The following CD82 variants were observed in gnomAD, a reference collection of about 807,000 sequenced individuals.
CD82 encodes CD82 molecule, also known as CD82 antigen.
Under a neutral mutation model 37.4 loss-of-function variants are expected in CD82, and 36 were observed. The ratio of observed to expected loss-of-function variants is 0.96; its 90% CI spans 0.74 to 1.27. The LOEUF is 1.27. Among genes scored for constraint, CD82 ranks in the 50% most tolerant of loss-of-function variants. CD82 has a pLI of 0.00. For synonymous variants in CD82, 158 were observed against 137.4 expected, an observed-to-expected ratio of 1.15 and a Z score of -1.05; for missense variants, 340 against 347.0, an observed-to-expected ratio of 0.98 and a Z score of 0.16.
At chr11:44,584,884 G>T (rs1040005679) in intron 1 of CD82, among the ~76,000 whole-genome samples, 4 of 152,220 alleles carry the variant, frequency 2.6e-5, no homozygotes, top group African/African-American at 9.6e-5. Context: ...GAGGACCAGA[G>T]AGCTGGTGGC....
rs56665683 is a variant in CD82 at position 44,590,610 on chromosome 11, C to CAAAAAAAAAAAAAAAAAAAA, written c.-21+3055_-21+3074dup. Among the ~76,000 whole-genome samples the CAAAAAAAAAAAAAAAAAAAA allele has an allele frequency of 2.3e-3, 78 of 33,432 alleles. 14 individuals carry two copies. The highest frequency in any genetic ancestry group is 3.1e-3 in the Admixed American group (6 of 1,910). The allele number at this position is 33,432 out of a possible 152,430, so 21.9% of individuals were successfully genotyped here. On this transcript the variant is annotated intron_variant, in intron 2 of 9. Coordinates refer to ENST00000227155, the MANE Select transcript of CD82 (RefSeq NM_002231.4). ...TGGGCAACAGAGGGAGATTCTGTCTCAAAAAAAAAAAAAAAAAAAAGATGA... is the reference window on the plus strand; with the variant it reads ...TGGGCAACAGAGGGAGATTCTGTCTCAAAAAAAAAAAAAAAAAAAAAAAAAAAAAAAAAAAAAAAAGATGA...
chr11:44,616,458 G>C (rs1853565692), intron 7 of CD82, among the ~76,000 whole-genome samples: 1 of 152,180 alleles, frequency 6.6e-6, no homozygotes, highest in Non-Finnish European at 1.5e-5. Context: ...CAAGGGACCT[G>C]GGAGGAGAAG....
Position 44,597,045 on chromosome 11 carries a change from G to A in CD82, c.63+2320G>A. The A allele has an allele frequency of 2.2e-6, 1 of 455,702 alleles. No individual in the cohort carries two copies. Among genetic ancestry groups the A allele is most frequent in the South Asian group, 1.5e-5 (1 of 64,538 alleles). The allele number at this position is 455,702 out of a possible 1,614,324, so 28.2% of individuals were successfully genotyped here. A position where few individuals can be genotyped will look rare whatever the true frequency, so the allele number is the denominator to read the frequency against. Reference sequence around the variant, plus strand: ...CTGGCAGCAGGGGCAGCCGGTGGAGGCAGAGTGCACCTCCCCAGGCATAGA... The same window carrying A: ...CTGGCAGCAGGGGCAGCCGGTGGAGACAGAGTGCACCTCCCCAGGCATAGA... On this transcript the variant is annotated intron_variant, in intron 3 of 9. Coordinates refer to ENST00000227155, the MANE Select transcript of CD82 (RefSeq NM_002231.4). This position sits in a 1 kb window ranked among gnomAD's most constrained non-coding sequence, Gnocchi z 4.1.
intron 1 of CD82, among the ~76,000 whole-genome samples, chr11:44,575,316 T>C: frequency 6.6e-6 from 1 of 152,252 alleles, no homozygotes; most frequent in East Asian, 1.9e-4. Flanking sequence ...TCATGGGCTC[T>C]CTTTACTATT....
intron 3 of CD82, chr11:44,594,944 C>T (rs893998667): frequency 8.5e-5 from 48 of 567,434 alleles, no homozygotes; most frequent in Middle Eastern, 4.7e-4. Flanking sequence ...ATTCCTGACC[C>T]GGCCTTCCCC....
rs574662941 is a variant in CD82, at chr11:44,605,400, G to A, written c.307G>A (p.Gly103Arg). 2 of 1,614,150 alleles carry A rather than the reference G, an allele frequency of 1.2e-6. No individual in the cohort carries two copies. The highest frequency in any genetic ancestry group is 1.1e-5 in the South Asian group (1 of 91,084). ...LLILIAQVTA[G>R]ALFYFNMGKL... ...GATCCTCATTGCCCAGGTGACGGCC[G>A]GGGCCCTCTTCTACTTCAACATGGG... The change falls in exon 6 of 10, where the codon GGG becomes AGG. Residue 103 changes from glycine (G) to arginine (R), a missense_variant. Physicochemically the swap from Gly to Arg is moderately radical, Grantham distance 125. Coordinates refer to ENST00000227155, the MANE Select transcript of CD82 (RefSeq NM_002231.4).
intron 3 of CD82, among the ~76,000 whole-genome samples, chr11:44,598,142 G>A (rs1027353867): frequency 2.4e-4 from 37 of 152,112 alleles, no homozygotes; most frequent in African/African-American, 8.0e-4. Flanking sequence ...TGGGAGAGAG[G>A]AGAGGACAGA....
intron 6 of CD82, chr11:44,606,692 A>G (rs1291170655): frequency 6.6e-6 from 1 of 152,272 alleles, no homozygotes; most frequent in East Asian, 1.9e-4. Context: ...GGGATCTTCT[A>G]GAAACTTTCC....
intron 6 of CD82, chr11:44,606,839 T>C (rs1286367602): frequency 2.6e-5 from 4 of 152,342 alleles, no homozygotes; most frequent in African/African-American, 9.6e-5. Context: ...GTTGAGTCCA[T>C]GCACAGCATA....
chr11:44,618,455 T>C (rs1853601355), intron 8 of CD82, 90 bp downstream of exon 8: 2 of 1,202,018 alleles, frequency 1.7e-6, no homozygotes, highest in South Asian at 1.3e-5. Flanking sequence ...CTGCATTTAG[T>C]TCCTTCCCTT....
At position 44,576,960 on chromosome 11, in the gene CD82, G is replaced by A. The variant is rs985527279; in HGVS notation, c.-102-10515G>A. Among the ~76,000 whole-genome samples, 3 of 152,128 alleles carry A rather than the reference G, an allele frequency of 2.0e-5. No homozygotes were observed. In the East Asian group the frequency reaches 5.8e-4, roughly 29 times the overall value. On this transcript the variant is annotated intron_variant, in intron 1 of 9. Transcript: ENST00000227155. ...TGCCCATCTTGAGCCCAGCCCCTAA[G>A]ACGGGAGAACTCTTTCTCTCTATTC...
At chr11:44,594,490 T>A (rs3781750) in intron 2 of CD82, among the ~76,000 whole-genome samples, 153 bp from the exon 3 acceptor site, 17,702 of 152,126 alleles carry the variant, frequency 0.12, 1,106 homozygotes, top group South Asian at 0.21. Context: ...GGGACCTCAT[T>A]TCCTAGCTGT....
At position 44,618,366 on chromosome 11, in the gene CD82, G is replaced by T; in HGVS notation, c.642+1G>T. The T allele has an allele frequency of 6.2e-7, 1 of 1,612,302 alleles. No individual in the cohort carries two copies. The highest frequency in any genetic ancestry group is 1.1e-5 in the South Asian group (1 of 91,060). On this transcript the variant is annotated splice_donor_variant, in intron 8 of 9. Transcript: ENST00000227155. LOFTEE classifies it high-confidence loss of function. ...TGAGGACTGGCCTGTGTACCAGGAG[G>T]TGTGCGGGGGGCTGCGGATCGGGGG...
Position 44,615,291 on chromosome 11 carries a change from G to GCATCGTGACTGAGCT in CD82, c.360_374dup (p.Val121_Ile125dup). ...CTGCAGCTGAAGCAGGAGATGGGCGGCATCGTGACTGAGCTCATTCGAGAC... is the reference window on the plus strand; with the variant it reads ...CTGCAGCTGAAGCAGGAGATGGGCGGCATCGTGACTGAGCTCATCGTGACTGAGCTCATTCGAGAC... On this transcript the variant is annotated inframe_insertion, in exon 7 of 10. Coordinates refer to ENST00000227155, the MANE Select transcript of CD82 (RefSeq NM_002231.4). The GCATCGTGACTGAGCT allele has an allele frequency of 6.2e-7, 1 of 1,612,250 alleles. No homozygotes were observed. Among genetic ancestry groups the GCATCGTGACTGAGCT allele is most frequent in the South Asian group, 1.1e-5 (1 of 91,032 alleles).
intron 1 of CD82, among the ~76,000 whole-genome samples, chr11:44,567,492 G>A (rs1852753487): frequency 6.6e-6 from 1 of 152,084 alleles, no homozygotes; most frequent in Non-Finnish European, 1.5e-5. Context: ...ACTTGAATAG[G>A]ACTTTCTCTC....
chr11:44,609,809 G>A lies in CD82; in HGVS notation c.336+4380G>A, dbSNP rs138757749. Among the ~76,000 whole-genome samples, 755 of 152,260 alleles carry A rather than the reference G, an allele frequency of 5.0e-3. 3 individuals are homozygous for A. Among genetic ancestry groups the A allele is most frequent in the Non-Finnish European group, 7.9e-3 (538 of 68,014 alleles). Reference sequence around the variant, plus strand: ...AGGTGACCTTTCTCTCCCCTGTTGAGAAGGGAATGGAGGAGTCCAGGCTAC... The same window carrying A: ...AGGTGACCTTTCTCTCCCCTGTTGAAAAGGGAATGGAGGAGTCCAGGCTAC... On this transcript the variant is annotated intron_variant, in intron 6 of 9. Transcript: ENST00000227155.
chr11:44,568,248 T>A (rs942479488), intron 1 of CD82, among the ~76,000 whole-genome samples: 1 of 151,926 alleles, frequency 6.6e-6, no homozygotes, highest in Non-Finnish European at 1.5e-5. Context: ...GCTTTGGGGA[T>A]GTCTGCAACT....
intron 4 of CD82, among the ~76,000 whole-genome samples, chr11:44,603,501 G>A (rs777556585): frequency 1.1e-4 from 16 of 152,168 alleles, no homozygotes; most frequent in Non-Finnish European, 1.9e-4. Flanking sequence ...GTGCTTAGGG[G>A]AGCAGATTAA....
In CD82 at chr11:44,576,753, A is replaced by G. The variant is rs146939565; in HGVS notation, c.-102-10722A>G. ...TGCTTTACAGCTCTTGGCAGTGGACATTTTCTCATGTACTTATTCTCCGTC... is the reference window on the plus strand; with the variant it reads ...TGCTTTACAGCTCTTGGCAGTGGACGTTTTCTCATGTACTTATTCTCCGTC... On this transcript the variant is annotated intron_variant, in intron 1 of 9. Coordinates refer to ENST00000227155, the MANE Select transcript of CD82 (RefSeq NM_002231.4). 7.2e-3 allele frequency among the ~76,000 whole-genome samples: 1,101 copies of G among 152,204 alleles called. 7 individuals carry two copies. The highest frequency in any genetic ancestry group is 0.054 in the Middle Eastern group (16 of 294).
Sources: gnomAD v4.1 joint callset for allele counts (sites outside exome capture counted in the v4.1 genomes callset) on GRCh38, gnomAD v4.1.1 for gene constraint, Gnocchi (gnomAD v3.1) non-coding constraint, MANE v1.5 for transcripts, NCBI Gene and HGNC (gene_info 2026-07-23, HGNC 2026-07-21) for gene names.